TTL: variants seen among roughly 807,000 people sequenced by gnomAD.
TTL encodes tubulin tyrosine ligase.
TTL carries 10 observed loss-of-function variants against 41.1 expected under a neutral mutation model. The observed-to-expected ratio is 0.24, with a 90% CI of 0.15 to 0.41. The LOEUF is 0.41. Among genes scored for constraint, TTL ranks in the 10% least tolerant of loss-of-function variants. The probability of loss-of-function intolerance (pLI) is 1.00; values close to 1 mark genes in which losing one functional copy is unlikely to be tolerated. For synonymous variants in TTL, 175 were observed against 175.5 expected (o/e 1.00, Z 0.02); for missense variants, 367 against 460.4 (o/e 0.80, Z 1.86).
At chr2:112,524,601 C>T (rs936442494) in intron 6 of TTL, among the ~76,000 whole-genome samples, 22 of 152,176 alleles carry the variant, frequency 1.4e-4, no homozygotes, top group Middle Eastern at 6.8e-3. Flanking sequence ...TTTTGAGAAG[C>T]GTCTGTTCAT....
chr2:112,487,238 C>A (rs780206918), intron 2 of TTL, among the ~76,000 whole-genome samples: 14 of 152,128 alleles, frequency 9.2e-5, no homozygotes, highest in Non-Finnish European at 1.8e-4. Flanking sequence ...TTTTTGTTCA[C>A]TCATTGGCCC....
chr2:112,511,830 C>A (rs941126050), intron 5 of TTL, among the ~76,000 whole-genome samples: 4 of 152,094 alleles, frequency 2.6e-5, no homozygotes, highest in Admixed American at 6.6e-5. Flanking sequence ...TTCAGCCTCC[C>A]AGAGTGCTAG....
chr2:112,492,101 A>T (rs1681403177), intron 2 of TTL, among the ~76,000 whole-genome samples: 1 of 152,180 alleles, frequency 6.6e-6, no homozygotes. Context: ...CACAGAAATC[A>T]CTTGATCTGA....
At chr2:112,528,025 T>C (rs1307700236) in intron 6 of TTL, among the ~76,000 whole-genome samples, 1 of 152,208 alleles carries the variant, frequency 6.6e-6, no homozygotes, top group African/African-American at 2.4e-5. Flanking sequence ...CAAAATTTCT[T>C]AGCATTTGCT....
chr2:112,498,686 C>T (rs1349665618), intron 3 of TTL, among the ~76,000 whole-genome samples: 7 of 151,744 alleles, frequency 4.6e-5, no homozygotes, highest in African/African-American at 1.5e-4. Flanking sequence ...GGTGGATCAC[C>T]GGAGGTCAGG....
rs1682550372 is a variant in TTL, at chr2:112,533,713, A to G, written c.*4918A>G. On this transcript the variant is annotated 3_prime_UTR_variant, in exon 7 of 7. Transcript: ENST00000233336. ...ACTCCTGGCATAACATCATTAATTTATTCATGAGGGTAGAGCTCTCGTGAC... is the reference window on the plus strand; with the variant it reads ...ACTCCTGGCATAACATCATTAATTTGTTCATGAGGGTAGAGCTCTCGTGAC... The G allele has an allele frequency of 6.6e-6, 1 of 152,184 alleles. No homozygotes were observed. The highest frequency in any genetic ancestry group is 2.4e-5 in the African/African-American group (1 of 41,446). The allele number at this position is 152,184 out of a possible 1,614,324, so 9.4% of individuals were successfully genotyped here.
rs753016553 is a variant in TTL, at chr2:112,503,055, C to CA, written c.752dup (p.Asn252GlufsTer6). 6.2e-7 allele frequency: 1 copy of CA among 1,613,766 alleles called. No individual in the cohort carries two copies. Among genetic ancestry groups the CA allele is most frequent in the Non-Finnish European group, 8.5e-7 (1 of 1,179,994 alleles). On this transcript the variant is annotated frameshift_variant, in exon 5 of 7. Coordinates refer to ENST00000233336, the MANE Select transcript of TTL (RefSeq NM_153712.5). LOFTEE classifies it high-confidence loss of function. ...AATCACTGCATTCAAAAAGAGTATT[C>CA]AAAGAACTACGGGAAGTATGAAGAA...
chr2:112,485,864 T>C, intron 1 of TTL, 53 bp from the exon 2 acceptor site: 2 of 1,506,402 alleles, frequency 1.3e-6, no homozygotes, highest in Non-Finnish European at 1.8e-6. Flanking sequence ...AGCTGTCCTC[T>C]CTCCTGCTTG....
chr2:112,527,025 C>A (rs1035014542), intron 6 of TTL, among the ~76,000 whole-genome samples: 2 of 152,220 alleles, frequency 1.3e-5, no homozygotes, highest in African/African-American at 4.8e-5. Flanking sequence ...ATCTTTATTT[C>A]TGCCTTCACT....
Position 112,485,984 on chromosome 2 carries a change from T to A in TTL, c.225T>A (p.Ala75=). Residue 75 remains alanine, a synonymous_variant, in exon 2 of 7, where the codon GCT becomes GCA. Coordinates refer to ENST00000233336, the MANE Select transcript of TTL (RefSeq NM_153712.5). ...YRGADKLCRK[A]SLVKLIKTSP... ...GTGCTGACAAACTGTGTCGCAAAGC[T>A]TCTTTAGTGAAGTAAGTGTTAAGAC... 1 of 1,614,222 alleles carries A rather than the reference T, an allele frequency of 6.2e-7. No homozygotes were observed. The highest frequency in any genetic ancestry group is 1.1e-5 in the South Asian group (1 of 91,092).
rs1482588511 is a variant in TTL, at chr2:112,534,413, C to A, written c.*5618C>A. 1 of 152,666 alleles carries A rather than the reference C, an allele frequency of 6.6e-6. No homozygotes were observed. Among genetic ancestry groups the A allele is most frequent in the South Asian group, 2.1e-4 (1 of 4,830 alleles). 9.5% of individuals were successfully genotyped at this position (152,666 alleles called of 1,614,324 possible). On this transcript the variant is annotated 3_prime_UTR_variant, in exon 7 of 7. Coordinates refer to ENST00000233336, the MANE Select transcript of TTL (RefSeq NM_153712.5). ...TTTTAATGTACCCTATTCCCACTCC[C>A]CCTTTCCCCAGCTCCACAACAGCCT... is the stretch of plus-strand genomic sequence containing the variant.
At chr2:112,496,244 A>T (rs1681519066) in intron 3 of TTL, among the ~76,000 whole-genome samples, 1 of 152,176 alleles carries the variant, frequency 6.6e-6, no homozygotes, top group South Asian at 2.1e-4. Flanking sequence ...CAGCAGGGGG[A>T]AGTCAAGAGA....
At chr2:112,509,093 C>G (rs528415283) in intron 5 of TTL, among the ~76,000 whole-genome samples, 1 of 118,916 alleles carries the variant, frequency 8.4e-6, no homozygotes, top group South Asian at 2.9e-4. Flanking sequence ...GTCAGTGTGC[C>G]CCTGCTTGGG....
At chr2:112,496,507 C>G (rs1681526527) in intron 3 of TTL, among the ~76,000 whole-genome samples, 1 of 152,072 alleles carries the variant, frequency 6.6e-6, no homozygotes, top group South Asian at 2.1e-4. Context: ...TCACCTCTCA[C>G]CTGGAGCGTG....
chr2:112,525,354 G>A (rs932071665), intron 6 of TTL, among the ~76,000 whole-genome samples: 2 of 152,108 alleles, frequency 1.3e-5, no homozygotes, highest in African/African-American at 4.8e-5. Context: ...TGATGGGGAT[G>A]GCATTGAATC....
intron 3 of TTL, among the ~76,000 whole-genome samples, chr2:112,500,438 G>A (rs541331817): frequency 6.6e-6 from 1 of 152,090 alleles, no homozygotes; most frequent in South Asian, 2.1e-4. Flanking sequence ...AGGCATGGTG[G>A]TGCACGCCTG....
intron 5 of TTL, among the ~76,000 whole-genome samples, chr2:112,515,560 CA>C (rs1304887665): frequency 6.6e-6 from 1 of 152,112 alleles, no homozygotes; most frequent in East Asian, 1.9e-4. Context: ...GGTGAGTTTT[CA>C]GTTATGCATG....
intron 3 of TTL, among the ~76,000 whole-genome samples, chr2:112,498,708 A>G (rs1007701775): frequency 3.9e-5 from 6 of 152,110 alleles, no homozygotes; most frequent in African/African-American, 1.4e-4. Context: ...GTTCGAGACC[A>G]GGCTGGCCAA....
At chr2:112,500,229 T>C (rs1681652356) in intron 3 of TTL, among the ~76,000 whole-genome samples, 4 of 125,354 alleles carry the variant, frequency 3.2e-5, no homozygotes, top group Admixed American at 3.1e-4. Flanking sequence ...GAGTGACTGC[T>C]AATAGGTACA....
Sources: allele counts gnomAD v4.1 joint callset (sites outside exome capture counted in the v4.1 genomes callset), GRCh38; gene constraint gnomAD v4.1.1; transcripts MANE v1.5; gene names NCBI Gene and HGNC (gene_info 2026-07-23, HGNC 2026-07-21).